The following PURG variants were observed in gnomAD, a reference collection of about 807,000 sequenced individuals.
The protein encoded by PURG is purine-rich element-binding protein gamma.
PURG carries 3 observed loss-of-function variants against 24.3 expected under a neutral mutation model. That is an observed-to-expected ratio of 0.12 (90% CI 0.06 to 0.32). The LOEUF (loss-of-function observed/expected upper bound fraction) is 0.32. Among genes scored for constraint, PURG ranks in the 10% least tolerant of loss-of-function variants. The pLI is 1.00. For synonymous variants in PURG, 180 were observed against 173.1 expected (o/e 1.04, Z -0.31); for missense variants, 371 against 439.1 (o/e 0.84, Z 1.39).
At chr8:31,028,649 G>C (rs887128350), downstream of PURG, among the ~76,000 whole-genome samples, 8 of 151,742 alleles carry the variant, frequency 5.3e-5, no homozygotes, top group African/African-American at 1.9e-4. Flanking sequence ...GCAGTCTGGG[G>C]CTTTAACAAG....
At chr8:31,011,694 G>A (rs750665245) in intron 1 of PURG, among the ~76,000 whole-genome samples, 1 of 152,024 alleles carries the variant, frequency 6.6e-6, no homozygotes, top group Non-Finnish European at 1.5e-5. Flanking sequence ...GGCTCCAAAA[G>A]CTGCTTTGAA....
chr8:31,003,769 A>C (rs1422897576), intron 1 of PURG, among the ~76,000 whole-genome samples: 1 of 152,078 alleles, frequency 6.6e-6, no homozygotes, highest in Non-Finnish European at 1.5e-5. Flanking sequence ...CTCAAAAAAA[A>C]ACCAAAAAAC....
Position 31,032,161 on chromosome 8 carries a change from T to G in PURG, c.622A>C (p.Met208Leu). Residue 208 changes from methionine (M) to leucine (L), a missense_variant, in exon 2 of 2, where the codon ATG (methionine) becomes CTG (leucine). Met to Leu is a conservative substitution (Grantham distance 15). This residue lies in a region of PURG where 41 missense variants were observed against 29.8 expected (regional missense o/e 1.38). Coordinates refer to ENST00000523392, the MANE Select transcript of PURG (RefSeq NM_001323311.2). The surrounding 1 kb of genome is among the most constrained non-coding windows in gnomAD (Gnocchi z 5.9). ...AAACTGTGGCCAAAATAACCTATCA[T>G]GCCAGTCCCCCGCATCATGGTTTGT... ...IRQTMMRGTG[M>L]IGYFGHSLGQ... 1 of 1,614,196 alleles carries G rather than the reference T, an allele frequency of 6.2e-7. No individual in the cohort carries two copies. The highest frequency in any genetic ancestry group is 1.1e-5 in the South Asian group (1 of 91,078).
At chr8:31,004,872 G>A (rs1381790756) in intron 1 of PURG, among the ~76,000 whole-genome samples, 1 of 152,124 alleles carries the variant, frequency 6.6e-6, no homozygotes, top group Non-Finnish European at 1.5e-5. Context: ...CGCTAATTAA[G>A]GTGGGAGAGT....
At chr8:30,997,290 T>C (rs993096255) in intron 1 of PURG, among the ~76,000 whole-genome samples, 2 of 151,820 alleles carry the variant, frequency 1.3e-5, no homozygotes, top group African/African-American at 4.8e-5. Context: ...GGAAAATATT[T>C]AGCATCACAG....
At chr8:31,022,957 T>C (rs1811025474) in intron 1 of PURG, among the ~76,000 whole-genome samples, 1 of 152,234 alleles carries the variant, frequency 6.6e-6, no homozygotes, top group Admixed American at 6.5e-5. Context: ...TGCTCGGCAG[T>C]TTTGGCACGT....
rs117084045 is a variant in PURG, at chr8:30,999,967, T to C, written c.865-3270A>G. ...GCAATGTACATAAGTCGTATGTGTT[T>C]TCCTTTAAAATAAAAAAAAACCACA... On this transcript the variant is annotated intron_variant, in intron 1 of 1. Coordinates refer to the PURG transcript ENST00000339382. Among the ~76,000 whole-genome samples the C allele has an allele frequency of 9.6e-3, 822 of 85,488 alleles. 7 individuals are homozygous for C. The highest frequency in any genetic ancestry group is 0.011 in the Non-Finnish European group (489 of 46,156). 56.1% of individuals were successfully genotyped at this position (85,488 alleles called of 152,430 possible). A position where few individuals can be genotyped will look rare whatever the true frequency, so the allele number is the denominator to read the frequency against.
chr8:31,005,983 C>T (rs1278389595), intron 1 of PURG, among the ~76,000 whole-genome samples: 1 of 151,978 alleles, frequency 6.6e-6, no homozygotes, highest in Non-Finnish European at 1.5e-5. Context: ...TTACCTTATG[C>T]CTCTTGGTGC....
chr8:31,002,108 G>C (rs2129773825), intron 1 of PURG, among the ~76,000 whole-genome samples: 1 of 152,324 alleles, frequency 6.6e-6, no homozygotes, highest in East Asian at 1.9e-4. Context: ...GAGACTATCA[G>C]AGGGAATGAA....
intron 1 of PURG, among the ~76,000 whole-genome samples, chr8:31,013,464 G>C (rs535569296): frequency 6.6e-6 from 1 of 152,170 alleles, no homozygotes; most frequent in Non-Finnish European, 1.5e-5. Context: ...CTGGCCGGGC[G>C]CGGCGGCTCA....
chr8:31,001,638 T>C (rs1327659192), intron 1 of PURG, among the ~76,000 whole-genome samples: 1 of 152,156 alleles, frequency 6.6e-6, no homozygotes, highest in Admixed American at 6.6e-5. Flanking sequence ...TAAATATCTA[T>C]TGATTTAATG....
chr8:31,030,222 G>T (rs987398071), downstream of PURG, among the ~76,000 whole-genome samples: 1 of 152,030 alleles, frequency 6.6e-6, no homozygotes, highest in Non-Finnish European at 1.5e-5. Context: ...GCTACATTCT[G>T]ATTTGAATCC....
chr8:31,020,779 C>T (rs1810975466), intron 1 of PURG, among the ~76,000 whole-genome samples: 1 of 152,166 alleles, frequency 6.6e-6, no homozygotes, highest in African/African-American at 2.4e-5. Context: ...TTTTCCATCA[C>T]TATCTTCTGT....
rs537480681 is a variant in PURG at position 30,999,951 on chromosome 8, A to G, written c.865-3254T>C. ...AGTAATACTCTGCCATGCAATGTAC[A>G]TAAGTCGTATGTGTTTTCCTTTAAA... On this transcript the variant is annotated intron_variant, in intron 1 of 1. Coordinates refer to the PURG transcript ENST00000339382. Among the ~76,000 whole-genome samples the G allele has an allele frequency of 6.1e-5, 9 of 146,392 alleles. No homozygotes were observed. The South Asian group carries it at 1.5e-3, about 25-fold the overall frequency.
At chr8:31,017,266 A>G (rs576660594) in intron 1 of PURG, among the ~76,000 whole-genome samples, 15 of 152,192 alleles carry the variant, frequency 9.9e-5, no homozygotes, top group South Asian at 8.3e-4. Context: ...CCCATTTACC[A>G]CTACTTCTCC....
chr8:31,030,689 G>A (rs1164159851), downstream of PURG, among the ~76,000 whole-genome samples: 5 of 151,076 alleles, frequency 3.3e-5, no homozygotes, highest in Non-Finnish European at 5.9e-5. Flanking sequence ...TAAAACACCT[G>A]TAAAATTCAG....
At chr8:31,016,581 C>CAAAAAAAAAAAAAAAAAAAAAAAAA (rs11433207) in intron 1 of PURG, among the ~76,000 whole-genome samples, 1 of 57,532 alleles carries the variant, frequency 1.7e-5, no homozygotes. Flanking sequence ...TACCAAGAAC[C>CAAAAAAAAAAAAAAAAAAAAAAAAA]AAAAAAAAAA....
In PURG at chr8:31,033,270, C is replaced by T. The variant is rs1811297581; in HGVS notation, c.-199G>A. On this transcript the variant is annotated 5_prime_UTR_variant, in exon 1 of 2. Coordinates refer to ENST00000523392, the MANE Select transcript of PURG (RefSeq NM_001323311.2). ...GCCCGCGGCGCCCACCGCAGCCGCC[C>T]CTCCTGCGGCCGCTGCGGGGGCCGC... The T allele has an allele frequency of 6.1e-6, 1 of 164,746 alleles. No homozygotes were observed. The highest frequency in any genetic ancestry group is 1.7e-4 in the South Asian group (1 of 5,796). The allele number at this position is 164,746 out of a possible 1,614,324, so 10.2% of individuals were successfully genotyped here.
chr8:31,015,787 AT>A (rs1409352726), intron 1 of PURG, among the ~76,000 whole-genome samples: 3 of 152,140 alleles, frequency 2.0e-5, no homozygotes, highest in Non-Finnish European at 4.4e-5. Context: ...GCAGTGCCTC[AT>A]GCCTGTAATC....
Sources: gnomAD v4.1 joint callset for allele counts (sites outside exome capture counted in the v4.1 genomes callset) on GRCh38, gnomAD v4.1.1 for gene constraint, gnomAD v4.1.1 regional missense constraint, Gnocchi (gnomAD v3.1) non-coding constraint, MANE v1.5 for transcripts, NCBI Gene and HGNC (gene_info 2026-07-23, HGNC 2026-07-21) for gene names.